Variants in CLSTN2 observed in about 807,000 individuals in gnomAD.
The protein encoded by CLSTN2 is calsyntenin 2.
CLSTN2 carries 48 observed loss-of-function variants against 101.2 expected under a neutral mutation model. The ratio of observed to expected loss-of-function variants is 0.47; its 90% CI spans 0.38 to 0.60. The LOEUF is 0.60. Ranked by LOEUF, CLSTN2 falls within the 20% of genes least tolerant of loss-of-function variation. The probability of loss-of-function intolerance (pLI) is 0.00; values close to 1 mark genes in which losing one functional copy is unlikely to be tolerated. For synonymous variants in CLSTN2, 481 were observed against 463.6 expected (o/e 1.04, Z -0.48); for missense variants, 1,160 against 1,238.2 (o/e 0.94, Z 0.95).
intron 6 of CLSTN2, among the ~76,000 whole-genome samples, chr3:140,453,487 T>C (rs773419288): frequency 6.6e-6 from 1 of 152,194 alleles, no homozygotes. Context: ...TCAGATGCTG[T>C]GCCAACTCTT....
chr3:139,971,605 G>A (rs1935706935), intron 1 of CLSTN2, among the ~76,000 whole-genome samples: 1 of 152,174 alleles, frequency 6.6e-6, no homozygotes, highest in African/African-American at 2.4e-5. Flanking sequence ...GTTAAGCATG[G>A]AATGAGTCTA....
At chr3:140,090,261 G>A (rs1039631213) in intron 1 of CLSTN2, among the ~76,000 whole-genome samples, 94 of 151,932 alleles carry the variant, frequency 6.2e-4, no homozygotes, top group African/African-American at 2.1e-3. Flanking sequence ...GTTATTTGTG[G>A]TTTATGGTCA....
At chr3:140,042,957 T>C (rs1297625938) in intron 1 of CLSTN2, among the ~76,000 whole-genome samples, 1 of 152,238 alleles carries the variant, frequency 6.6e-6, no homozygotes, top group Non-Finnish European at 1.5e-5. Flanking sequence ...ACGTCTTTGC[T>C]ATTGTGAATA....
intron 8 of CLSTN2, among the ~76,000 whole-genome samples, chr3:140,514,560 T>C (rs1035394950): frequency 2.0e-5 from 3 of 152,252 alleles, no homozygotes; most frequent in Non-Finnish European, 4.4e-5. Context: ...TTCCATATTT[T>C]TGCCATTGCA....
At chr3:140,300,819 T>A (rs2087051646) in intron 2 of CLSTN2, among the ~76,000 whole-genome samples, 1 of 151,492 alleles carries the variant, frequency 6.6e-6, no homozygotes, top group Non-Finnish European at 1.5e-5. Context: ...TATATATGCA[T>A]ACATAAAGAG....
chr3:140,411,404 C>A (rs914792642), intron 4 of CLSTN2, among the ~76,000 whole-genome samples: 1 of 152,204 alleles, frequency 6.6e-6, no homozygotes, highest in Non-Finnish European at 1.5e-5. Context: ...ATGTACCCAA[C>A]GCTAGAGCGT....
chr3:139,950,197 G>A (rs960295100), intron 1 of CLSTN2, among the ~76,000 whole-genome samples: 4 of 152,168 alleles, frequency 2.6e-5, no homozygotes, highest in African/African-American at 9.7e-5. Flanking sequence ...AATCCATAAG[G>A]ATAGGCTGGT....
rs1935981644 is a variant in CLSTN2 at position 140,564,057 on chromosome 3, A to G, written c.2579A>G (p.Gln860Arg). The G allele has an allele frequency of 1.9e-6, 3 of 1,613,982 alleles. No homozygotes were observed. Among genetic ancestry groups the G allele is most frequent in the African/African-American group, 1.3e-5 (1 of 74,904 alleles). ...MGVYRVRIAH[Q>R]HFIQETEAAK... ...GTGTACCGGGTCCGGATCGCCCACCAGCACTTCATCCAGGAGACTGAGGCT... is the reference window on the plus strand; with the variant it reads ...GTGTACCGGGTCCGGATCGCCCACCGGCACTTCATCCAGGAGACTGAGGCT... The change falls in exon 16 of 17, where the codon CAG becomes CGG. Residue 860 changes from glutamine to arginine, a missense_variant. Gln to Arg is a conservative substitution (Grantham distance 43, BLOSUM62 1). Coordinates refer to ENST00000458420, the MANE Select transcript of CLSTN2 (RefSeq NM_022131.3).
chr3:140,564,984 A>G (rs1409176875), intron 16 of CLSTN2, among the ~76,000 whole-genome samples: 6 of 152,186 alleles, frequency 3.9e-5, no homozygotes, highest in Non-Finnish European at 7.3e-5. Context: ...TCACACTCCA[A>G]TTCCAAAGCC....
intron 8 of CLSTN2, among the ~76,000 whole-genome samples, chr3:140,519,790 G>C (rs1352132799): frequency 3.3e-5 from 5 of 152,048 alleles, no homozygotes. Context: ...TCTTTAAATT[G>C]GAACATTTAG....
intron 2 of CLSTN2, among the ~76,000 whole-genome samples, chr3:140,210,145 A>G (rs1257922390): frequency 6.6e-6 from 1 of 152,132 alleles, no homozygotes; most frequent in Non-Finnish European, 1.5e-5. Context: ...TGACTCTGGG[A>G]GGTTGCTGCT....
At chr3:140,336,215 C>T (rs984174929) in intron 2 of CLSTN2, among the ~76,000 whole-genome samples, 6 of 152,126 alleles carry the variant, frequency 3.9e-5, no homozygotes, top group African/African-American at 9.7e-5. Flanking sequence ...TGTTGGGCAC[C>T]GTGAAGGCAT....
intron 2 of CLSTN2, among the ~76,000 whole-genome samples, chr3:140,240,612 A>C (rs2107867433): frequency 6.6e-6 from 1 of 152,238 alleles, no homozygotes; most frequent in Admixed American, 6.6e-5. Flanking sequence ...ACACAGATGG[A>C]TAGCACTCTT....
At chr3:140,324,888 T>C (rs1357426096) in intron 2 of CLSTN2, among the ~76,000 whole-genome samples, 1 of 152,200 alleles carries the variant, frequency 6.6e-6, no homozygotes, top group African/African-American at 2.4e-5. Context: ...GCCATGATGG[T>C]GACCACAGAA....
chr3:140,264,912 G>A (rs2086682697), intron 2 of CLSTN2, among the ~76,000 whole-genome samples: 1 of 151,996 alleles, frequency 6.6e-6, no homozygotes, highest in African/African-American at 2.4e-5. Context: ...CTAGATCTTG[G>A]GATTATAGAA....
intron 15 of CLSTN2, 116 bp downstream of exon 15, chr3:140,563,319 G>A (rs1448121767): frequency 8.3e-7 from 1 of 1,201,960 alleles, no homozygotes; most frequent in East Asian, 2.4e-5. Context: ...CTGAGGGAGG[G>A]AACCCAGCAA....
intron 2 of CLSTN2, among the ~76,000 whole-genome samples, chr3:140,372,285 A>G (rs574233858): frequency 6.6e-6 from 1 of 152,116 alleles, no homozygotes; most frequent in South Asian, 2.1e-4. Flanking sequence ...GTCTGAAGTT[A>G]CCCTTCTCTT....
chr3:139,953,762 T>C (rs576094001), intron 1 of CLSTN2, among the ~76,000 whole-genome samples: 6 of 152,308 alleles, frequency 3.9e-5, no homozygotes, highest in African/African-American at 1.4e-4. Context: ...GCTTCTAGCC[T>C]TTACTGGCTT....
chr3:140,054,752 G>A (rs1308117542), intron 1 of CLSTN2, among the ~76,000 whole-genome samples: 1 of 152,234 alleles, frequency 6.6e-6, no homozygotes, highest in Admixed American at 6.5e-5. Context: ...GTCAACCAGA[G>A]TCTGTTGACT....
Sources: gnomAD v4.1 joint callset for allele counts (sites outside exome capture counted in the v4.1 genomes callset) on GRCh38, gnomAD v4.1.1 for gene constraint, MANE v1.5 for transcripts, NCBI Gene and HGNC (gene_info 2026-07-23, HGNC 2026-07-21) for gene names.